The following HS2ST1 variants were observed in gnomAD, a reference collection of about 807,000 sequenced individuals.
HS2ST1 encodes the protein heparan sulfate 2-O-sulfotransferase 1.
A neutral mutation model predicts 42.9 loss-of-function variants in HS2ST1; 18 were observed. The observed-to-expected ratio is 0.42, with a 90% CI of 0.29 to 0.62. The LOEUF (loss-of-function observed/expected upper bound fraction) is 0.62, where lower values mean the gene tolerates loss of function less well. HS2ST1 is among the 20% of genes least tolerant of loss of function. HS2ST1 has a pLI of 0.21. For missense variants in HS2ST1, 334 were observed against 433.8 expected, an observed-to-expected ratio of 0.77 and a Z score of 2.04; for synonymous variants, 146 against 152.9, an observed-to-expected ratio of 0.95 and a Z score of 0.33.
intron 1 of HS2ST1, among the ~76,000 whole-genome samples, chr1:87,043,115 G>A (rs1454771713): frequency 1.1e-4 from 16 of 152,104 alleles, no homozygotes; most frequent in Admixed American, 3.3e-4. Context: ...GTAGAGAACC[G>A]TTTTATTAAT....
intron 1 of HS2ST1, among the ~76,000 whole-genome samples, chr1:86,937,436 T>A (rs1345348499): frequency 6.6e-6 from 1 of 152,202 alleles, no homozygotes; most frequent in African/African-American, 2.4e-5. Flanking sequence ...ATATTAACTT[T>A]TCTATCATGC....
At chr1:86,980,272 T>A (rs1416525315) in intron 1 of HS2ST1, among the ~76,000 whole-genome samples, 1 of 152,196 alleles carries the variant, frequency 6.6e-6, no homozygotes, top group Admixed American at 6.5e-5. Context: ...AATTAAAATA[T>A]AACTGTCATG....
chr1:87,044,574 ATAAAG>A (rs1214877871), intron 1 of HS2ST1, among the ~76,000 whole-genome samples: 1 of 152,232 alleles, frequency 6.6e-6, no homozygotes, highest in East Asian at 1.9e-4. Flanking sequence ...CTAGCCAAAA[ATAAAG>A]GCATGATATT....
At chr1:86,952,093 T>C (rs1425813144) in intron 1 of HS2ST1, among the ~76,000 whole-genome samples, 1 of 152,204 alleles carries the variant, frequency 6.6e-6, no homozygotes, top group African/African-American at 2.4e-5. Flanking sequence ...TTAATATTGA[T>C]ATTTTGAAAT....
At chr1:86,970,360 C>T (rs1648194224) in intron 1 of HS2ST1, among the ~76,000 whole-genome samples, 2 of 152,134 alleles carry the variant, frequency 1.3e-5, no homozygotes, top group South Asian at 2.1e-4. Context: ...GAAAAATCTG[C>T]TTAATGAAAT....
chr1:86,999,935 T>C (rs372638740), intron 1 of HS2ST1, among the ~76,000 whole-genome samples: 154 of 152,342 alleles, frequency 1.0e-3, no homozygotes, highest in Middle Eastern at 6.8e-3. Flanking sequence ...TCTTTGTAAA[T>C]GGCAGTAATA....
At chr1:86,967,246 A>G (rs1648074689) in intron 1 of HS2ST1, among the ~76,000 whole-genome samples, 1 of 152,180 alleles carries the variant, frequency 6.6e-6, no homozygotes, top group African/African-American at 2.4e-5. Flanking sequence ...AAAGTGGCGT[A>G]TTAACTAGCT....
chr1:86,915,048 C>T lies in HS2ST1; in HGVS notation c.12C>T (p.Leu4=), dbSNP rs1170280957. 1.2e-6 allele frequency: 2 copies of T among 1,614,152 alleles called. No homozygotes were observed. The highest frequency in any genetic ancestry group is 1.7e-6 in the Non-Finnish European group (2 of 1,180,022). Reference sequence around the variant, plus strand: ...GAGCAGCGGGTTTCATGGGGCTCCTCAGGATTATGATGCCGCCCAAGTTGC... The same window carrying T: ...GAGCAGCGGGTTTCATGGGGCTCCTTAGGATTATGATGCCGCCCAAGTTGC... MGL[L]RIMMPPKLQL... The change falls in exon 1 of 7, where the codon CTC becomes CTT. Residue 4 remains leucine, a synonymous_variant. Transcript: ENST00000370550.
At chr1:86,931,761 CAT>C (rs1660549482) in intron 1 of HS2ST1, among the ~76,000 whole-genome samples, 1 of 151,986 alleles carries the variant, frequency 6.6e-6, no homozygotes, top group Non-Finnish European at 1.5e-5. Context: ...CACATTTTGA[CAT>C]AATTTAACAT....
intron 1 of HS2ST1, among the ~76,000 whole-genome samples, chr1:87,042,053 ATATGCATTTCCC>A (rs1381128888): frequency 6.6e-6 from 1 of 152,042 alleles, no homozygotes. Context: ...TATTGTTTGG[ATATGCATTTCCC>A]TGATGGTTAG....
intron 1 of HS2ST1, among the ~76,000 whole-genome samples, chr1:86,924,840 A>C (rs1223556177): frequency 6.6e-6 from 1 of 152,124 alleles, no homozygotes; most frequent in Non-Finnish European, 1.5e-5. Context: ...CATGCCTTGG[A>C]GACATTTTCC....
chr1:87,059,031 C>T (rs1570519355), intron 1 of HS2ST1, among the ~76,000 whole-genome samples: 1 of 152,120 alleles, frequency 6.6e-6, no homozygotes. Context: ...TGCACTCCAA[C>T]CTGGGCAACA....
At chr1:86,915,461 T>C (rs976670825) in intron 1 of HS2ST1, among the ~76,000 whole-genome samples, 3 of 152,070 alleles carry the variant, frequency 2.0e-5, no homozygotes, top group African/African-American at 7.2e-5. Context: ...AAGACCGAAC[T>C]CAGTGGGGAG....
rs1426830801 is a variant in HS2ST1 at position 87,105,699 on chromosome 1, A to G, written c.*1003A>G. The G allele has an allele frequency of 2.0e-5, 3 of 152,558 alleles. No homozygotes were observed. The highest frequency in any genetic ancestry group is 4.4e-5 in the Non-Finnish European group (3 of 67,944). The allele number at this position is 152,558 out of a possible 1,614,324, so 9.5% of individuals were successfully genotyped here. A position where few individuals can be genotyped will look rare whatever the true frequency, so the allele number is the denominator to read the frequency against. ...TATTTGGACCAAAAGGTTACAAGTA[A>G]TTAGACAAAAGTGGTTTTGCACCAA... is the stretch of plus-strand genomic sequence containing the variant. On this transcript the variant is annotated 3_prime_UTR_variant, in exon 7 of 7. Coordinates refer to ENST00000370550, the MANE Select transcript of HS2ST1 (RefSeq NM_012262.4).
At chr1:87,036,376 C>T (rs1650376658) in intron 1 of HS2ST1, among the ~76,000 whole-genome samples, 1 of 152,174 alleles carries the variant, frequency 6.6e-6, no homozygotes, top group Admixed American at 6.5e-5. Context: ...GGAATTGCCA[C>T]ACTGGGAGAC....
rs547620799 is a variant in HS2ST1 at position 87,042,787 on chromosome 1, C to T, written c.125-30147C>T. 7.2e-5 allele frequency among the ~76,000 whole-genome samples: 11 copies of T among 152,042 alleles called. No homozygotes were observed. In the East Asian group the frequency reaches 9.7e-4, roughly 13 times the overall value. Reference sequence around the variant, plus strand: ...TCATCATTGGATAGATTATAATTGGCGATATTTTGTAATTCTGTATGTCTG... The same window carrying T: ...TCATCATTGGATAGATTATAATTGGTGATATTTTGTAATTCTGTATGTCTG... On this transcript the variant is annotated intron_variant, in intron 1 of 6. Transcript: ENST00000370550.
intron 1 of HS2ST1, among the ~76,000 whole-genome samples, chr1:87,033,528 T>G (rs1264669014): frequency 6.7e-6 from 1 of 148,412 alleles, no homozygotes; most frequent in African/African-American, 2.5e-5. Context: ...TAAAGTAGTG[T>G]TTTTTTGTTT....
intron 1 of HS2ST1, among the ~76,000 whole-genome samples, chr1:87,004,958 A>G (rs1184114714): frequency 6.6e-6 from 1 of 152,256 alleles, no homozygotes; most frequent in African/African-American, 2.4e-5. Context: ...AATAGTTTGA[A>G]TAATTAATTG....
At chr1:86,965,551 A>G (rs1472805511) in intron 1 of HS2ST1, among the ~76,000 whole-genome samples, 1 of 152,064 alleles carries the variant, frequency 6.6e-6, no homozygotes, top group Non-Finnish European at 1.5e-5. Flanking sequence ...GCTGCGTATT[A>G]GAATCACTCT....
Sources: gnomAD v4.1 joint callset for allele counts (sites outside exome capture counted in the v4.1 genomes callset) on GRCh38, gnomAD v4.1.1 for gene constraint, MANE v1.5 for transcripts, NCBI Gene and HGNC (gene_info 2026-07-23, HGNC 2026-07-21) for gene names.